The following KIF17 variants were observed in gnomAD, a reference collection of about 807,000 sequenced individuals.
KIF17 encodes the protein kinesin-like protein KIF17.
A neutral mutation model predicts 96.8 loss-of-function variants in KIF17; 80 were observed. The ratio of observed to expected loss-of-function variants is 0.83; its 90% CI spans 0.69 to 1.00. The LOEUF (loss-of-function observed/expected upper bound fraction) is 1.00. Among genes scored for constraint, KIF17 ranks in the 50% least tolerant of loss-of-function variants. KIF17 has a pLI of 0.00. For missense variants in KIF17, 1,280 were observed against 1,372.9 expected (o/e 0.93, Z 1.07); for synonymous variants, 567 against 587.5 (o/e 0.97, Z 0.51).
intron 11 of KIF17, among the ~76,000 whole-genome samples, chr1:20,680,531 C>T (rs2053811985): frequency 6.6e-6 from 1 of 151,894 alleles, no homozygotes; most frequent in Non-Finnish European, 1.5e-5. Flanking sequence ...GAGCTATGAT[C>T]GTGCCACTGC....
rs1179773098 is a variant in KIF17, at chr1:20,699,509, T to G, written c.1124-1021A>C. Among the ~76,000 whole-genome samples the G allele has an allele frequency of 1.3e-5, 2 of 152,066 alleles. No individual in the cohort carries two copies. Among genetic ancestry groups the G allele is most frequent in the African/African-American group, 2.4e-5 (1 of 41,402 alleles). On this transcript the variant is annotated intron_variant, in intron 5 of 14. Coordinates refer to ENST00000400463, the MANE Select transcript of KIF17 (RefSeq NM_001122819.3). The surrounding 1 kb of genome is among the most constrained non-coding windows in gnomAD (Gnocchi z 4.3). ...TGAACCAGATGGGCGGAGGTTGCAGTGAGCTGAGATGGCGCCACTGCACTC... is the reference window on the plus strand; with the variant it reads ...TGAACCAGATGGGCGGAGGTTGCAGGGAGCTGAGATGGCGCCACTGCACTC...
In KIF17 at chr1:20,699,700, C is replaced by A. The variant is rs191019506; in HGVS notation, c.1124-1212G>T. 5.2e-3 allele frequency among the ~76,000 whole-genome samples: 764 copies of A among 145,552 alleles called. 1 individual carries two copies. Among genetic ancestry groups the A allele is most frequent in the Middle Eastern group, 0.014 (4 of 292 alleles). On this transcript the variant is annotated intron_variant, in intron 5 of 14. Transcript: ENST00000400463. This position sits in a 1 kb window ranked among gnomAD's most constrained non-coding sequence, Gnocchi z 4.3. ...TGCTAGACAGGGGGAGCTTGCTAGA[C>A]AGGGGGAGCGGTGAGTGCGAGGGCC...
In KIF17 at chr1:20,700,619, G is replaced by T. The variant is rs1009888811; in HGVS notation, c.1124-2131C>A. Among the ~76,000 whole-genome samples the T allele has an allele frequency of 1.3e-5, 2 of 152,172 alleles. No individual in the cohort carries two copies. Among genetic ancestry groups the T allele is most frequent in the African/African-American group, 4.8e-5 (2 of 41,434 alleles). On this transcript the variant is annotated intron_variant, in intron 5 of 14. Coordinates refer to ENST00000400463, the MANE Select transcript of KIF17 (RefSeq NM_001122819.3). This position sits in a 1 kb window ranked among gnomAD's most constrained non-coding sequence, Gnocchi z 4.6. ...TTCAAGTCCGGAATTCAGAGGACATGGTATAGTATGTTTTACTTCTTTTCT... is the reference window on the plus strand; with the variant it reads ...TTCAAGTCCGGAATTCAGAGGACATTGTATAGTATGTTTTACTTCTTTTCT...
rs1476307565 is a variant in KIF17 at position 20,665,628 on chromosome 1, T to C, written c.2908+586A>G. Among the ~76,000 whole-genome samples the C allele has an allele frequency of 2.0e-5, 3 of 152,080 alleles. No individual in the cohort carries two copies. In the East Asian group the frequency reaches 5.8e-4, roughly 29 times the overall value. On this transcript the variant is annotated intron_variant, in intron 14 of 14. Transcript: ENST00000400463. The stretch of plus-strand genomic sequence containing the variant: ...GTTGGCCAGGCTTGTCTTGAACTCC[T>C]GGCCTCAAGTGATCCACCCGCCTCA...
chr1:20,704,317 TG>T lies in KIF17; in HGVS notation c.1123+129del. On this transcript the variant is annotated intron_variant, in intron 5 of 14. Transcript: ENST00000400463. This position sits in a 1 kb window ranked among gnomAD's most constrained non-coding sequence, Gnocchi z 6.8. ...CTCCAACCAGGGCCCTGCGCTCACATGGGGCTGAGGGGTGGGAGGATGCTGC... is the reference window on the plus strand; with the variant it reads ...CTCCAACCAGGGCCCTGCGCTCACATGGGCTGAGGGGTGGGAGGATGCTGC... 2 of 785,092 alleles carry T rather than the reference TG, an allele frequency of 2.5e-6. No homozygotes were observed. Among genetic ancestry groups the T allele is most frequent in the Non-Finnish European group, 2.2e-6 (1 of 462,590 alleles). 48.6% of individuals were successfully genotyped at this position (785,092 alleles called of 1,614,324 possible).
Position 20,690,352 on chromosome 1 carries a change from G to GGCGGCCC in KIF17, c.1234-18_1234-17insGGGCCGC. 1 of 451,174 alleles carries GGCGGCCC rather than the reference G, an allele frequency of 2.2e-6. No homozygotes were observed. The highest frequency in any genetic ancestry group is 4.3e-6 in the Non-Finnish European group (1 of 235,152). 27.9% of individuals were successfully genotyped at this position (451,174 alleles called of 1,614,324 possible). A position where few individuals can be genotyped will look rare whatever the true frequency, so the allele number is the denominator to read the frequency against. On this transcript the variant is annotated splice_polypyrimidine_tract_variant and intron_variant, in intron 6 of 14. Transcript: ENST00000400463. ...TTCATACTCCTGGGGGGGTGGGAGGGACCAGAGGGCAGGCAGCATTTTATC... is the reference window on the plus strand; with the variant it reads ...TTCATACTCCTGGGGGGGTGGGAGGGGCGGCCCACCAGAGGGCAGGCAGCATTTTATC...
At position 20,670,418 on chromosome 1, in the gene KIF17, C is replaced by T. The variant is rs1418395460; in HGVS notation, c.2790+3G>A. 4 of 1,613,790 alleles carry T rather than the reference C, an allele frequency of 2.5e-6. No homozygotes were observed. The highest frequency in any genetic ancestry group is 3.4e-6 in the Non-Finnish European group (4 of 1,180,008). The stretch of plus-strand genomic sequence containing the variant: ...ACCCCACTCCCTCTCCCGCGGTCCT[C>T]ACCATGTTCGGCTCGCCATTGTCTG... On this transcript the variant is annotated splice_donor_region_variant and intron_variant, in intron 13 of 14. Coordinates refer to ENST00000400463, the MANE Select transcript of KIF17 (RefSeq NM_001122819.3).
At chr1:20,714,623 T>C (rs698054) in intron 2 of KIF17, among the ~76,000 whole-genome samples, 127,243 of 151,922 alleles carry the variant, frequency 0.84, 53,767 homozygotes, top group East Asian at 0.99. Flanking sequence ...ATGGCGAAAC[T>C]CCATCTCTAC....
At chr1:20,663,025 C>T (rs549573266), downstream of KIF17, among the ~76,000 whole-genome samples, 3 of 152,022 alleles carry the variant, frequency 2.0e-5, no homozygotes, top group Non-Finnish European at 2.9e-5. Flanking sequence ...GTCAGGAGTT[C>T]GTGACCAGCC....
In KIF17 at chr1:20,688,635, C is replaced by G. The variant is rs1266696610; in HGVS notation, c.1382-691G>C. 5.9e-5 allele frequency among the ~76,000 whole-genome samples: 9 copies of G among 152,362 alleles called. No individual in the cohort carries two copies. The East Asian group carries it at 1.5e-3, about 26-fold the overall frequency. ...TTGTTGCCTTCCAAGGCTGAGAGCTCAGCAGATTTCATGCCCGGGTGCCCT... is the reference window on the plus strand; with the variant it reads ...TTGTTGCCTTCCAAGGCTGAGAGCTGAGCAGATTTCATGCCCGGGTGCCCT... On this transcript the variant is annotated intron_variant, in intron 7 of 14. Coordinates refer to ENST00000400463, the MANE Select transcript of KIF17 (RefSeq NM_001122819.3).
In KIF17 at chr1:20,670,759, C is replaced by T. The variant is rs536748677; in HGVS notation, c.2723-271G>A. On this transcript the variant is annotated intron_variant, in intron 12 of 14. Transcript: ENST00000400463. ...GGGACAGACAGGAAGGCTGCTGCAT[C>T]CCAGAGCATGTGGGAAATGGAGGCG... Among the ~76,000 whole-genome samples, 249 of 152,248 alleles carry T rather than the reference C, an allele frequency of 1.6e-3. 2 individuals carry two copies. Among genetic ancestry groups the T allele is most frequent in the African/African-American group, 5.6e-3 (234 of 41,538 alleles).
At chr1:20,692,651 C>T (rs1235997642) in intron 6 of KIF17, 3 of 152,124 alleles carry the variant, frequency 2.0e-5, no homozygotes, top group Non-Finnish European at 4.4e-5. Flanking sequence ...TATTTATTTT[C>T]TGTGTGTGTG....
rs771704304 is a variant in KIF17 at position 20,690,344 on chromosome 1, G to C, written c.1234-9C>G. 2 of 1,589,306 alleles carry C rather than the reference G, an allele frequency of 1.3e-6. No homozygotes were observed. The highest frequency in any genetic ancestry group is 1.7e-6 in the Non-Finnish European group (2 of 1,162,640). On this transcript the variant is annotated splice_polypyrimidine_tract_variant and intron_variant, in intron 6 of 14. Coordinates refer to ENST00000400463, the MANE Select transcript of KIF17 (RefSeq NM_001122819.3). ...AGGCGCTCTTCATACTCCTGGGGGGGTGGGAGGGACCAGAGGGCAGGCAGC... is the reference window on the plus strand; with the variant it reads ...AGGCGCTCTTCATACTCCTGGGGGGCTGGGAGGGACCAGAGGGCAGGCAGC...
intron 1 of KIF17, among the ~76,000 whole-genome samples, chr1:20,716,844 G>C (rs2054586612): frequency 1.3e-5 from 2 of 152,226 alleles, no homozygotes; most frequent in African/African-American, 4.8e-5. Context: ...CACAGTTCCT[G>C]CCCTTGCAGA....
chr1:20,704,940 G>A lies in KIF17; in HGVS notation c.671-41C>T, dbSNP rs778686798. ...GCAAAGTGGCGAGGGCCTCGGGTGA[G>A]CCCTATGTATCGAGGGCAATCAGTG... On this transcript the variant is annotated intron_variant, in intron 4 of 14. Coordinates refer to ENST00000400463, the MANE Select transcript of KIF17 (RefSeq NM_001122819.3). The surrounding 1 kb of genome is among the most constrained non-coding windows in gnomAD (Gnocchi z 6.8). The A allele has an allele frequency of 5.7e-6, 9 of 1,567,138 alleles. No individual in the cohort carries two copies. In the Admixed American group the frequency reaches 1.3e-4, roughly 23 times the overall value.
In KIF17 at chr1:20,687,578, T is replaced by C. The variant is rs754366304; in HGVS notation, c.1748A>G (p.Gln583Arg). 1 of 1,614,004 alleles carries C rather than the reference T, an allele frequency of 6.2e-7. No homozygotes were observed. The highest frequency in any genetic ancestry group is 8.5e-7 in the Non-Finnish European group (1 of 1,179,944). Residue 583 changes from glutamine (Q) to arginine (R), a missense_variant, in exon 8 of 15, where the codon CAG becomes CGG. Transcript: ENST00000400463. The surrounding 1 kb of genome is among the most constrained non-coding windows in gnomAD (Gnocchi z 4.4). ...SRYFLDECLG[Q>R]EAAGHLLGEQ... ...CCCCAGCAGGTGCCCAGCGGCCTCC[T>C]GCCCGAGGCACTCATCCAGGAAGTA...
chr1:20,665,601 A>G (rs1049649744), intron 14 of KIF17, among the ~76,000 whole-genome samples: 1 of 151,718 alleles, frequency 6.6e-6, no homozygotes, highest in Non-Finnish European at 1.5e-5. Flanking sequence ...GGGTTTCACC[A>G]TGTTGGCCAG....
At chr1:20,690,888 T>C (rs562797038) in intron 6 of KIF17, among the ~76,000 whole-genome samples, 260 of 151,992 alleles carry the variant, frequency 1.7e-3, no homozygotes, top group Non-Finnish European at 2.7e-3. Flanking sequence ...GGGGTTTCAC[T>C]GTGTTAGCCA....
intron 10 of KIF17, 141 bp from the exon 11 acceptor site, chr1:20,683,025 G>A: frequency 2.9e-6 from 2 of 682,994 alleles, no homozygotes; most frequent in South Asian, 3.6e-5. Flanking sequence ...CCGAGGCTCG[G>A]CGACAGGACG....
Sources: gnomAD v4.1 joint callset for allele counts (sites outside exome capture counted in the v4.1 genomes callset) on GRCh38, gnomAD v4.1.1 for gene constraint, Gnocchi (gnomAD v3.1) non-coding constraint, MANE v1.5 for transcripts, NCBI Gene and HGNC (gene_info 2026-07-23, HGNC 2026-07-21) for gene names.